INSL6: variants seen among roughly 807,000 people sequenced by gnomAD.
INSL6 encodes the protein insulin like 6, also known as insulin-like peptide INSL6.
Under a neutral mutation model 9.4 loss-of-function variants are expected in INSL6, and 16 were observed. The observed-to-expected ratio is 1.70, with a 90% CI of 1.15 to 2.59. INSL6 has a LOEUF of 2.59. Ranked by LOEUF, INSL6 falls within the 30% of genes most tolerant of loss-of-function variation. INSL6 has a pLI of 0.00. For synonymous variants in INSL6, 154 were observed against 96.9 expected (o/e 1.59, Z -3.46); for missense variants, 391 against 257.3 (o/e 1.52, Z -3.56).
the INSL6 span, chr9:5,041,389 C>T: frequency 4.8e-6 from 3 of 627,688 alleles, no homozygotes; most frequent in African/African-American, 3.6e-5. Flanking sequence ...AGGAGCAGAG[C>T]CACTGCAACA....
chr9:5,161,538 G>C (rs1224644288), downstream of INSL6, among the ~76,000 whole-genome samples: 3 of 152,166 alleles, frequency 2.0e-5, no homozygotes, highest in Middle Eastern at 3.2e-3. Flanking sequence ...TGACAAGGTT[G>C]TCCCCTTTCA....
chr9:5,048,879 G>A, the INSL6 span, among the ~76,000 whole-genome samples: 1 of 152,116 alleles, frequency 6.6e-6, no homozygotes, highest in African/African-American at 2.4e-5. Context: ...GATTCGCATT[G>A]TTATTTTAGG....
At chr9:4,998,135 A>G in the INSL6 span, among the ~76,000 whole-genome samples, 9 of 152,094 alleles carry the variant, frequency 5.9e-5, no homozygotes, top group African/African-American at 2.2e-4. Flanking sequence ...TTCCTGTGCA[A>G]TTTTATTTTT....
At chr9:5,174,830 G>T (rs960463131) in intron 1 of INSL6, among the ~76,000 whole-genome samples, 1 of 151,974 alleles carries the variant, frequency 6.6e-6, no homozygotes, top group African/African-American at 2.4e-5. Context: ...TACTGATACC[G>T]TCTTCCAAAC....
At chr9:5,177,368 G>C (rs1825333931) in intron 1 of INSL6, among the ~76,000 whole-genome samples, 1 of 152,172 alleles carries the variant, frequency 6.6e-6, no homozygotes, top group African/African-American at 2.4e-5. Flanking sequence ...AGAGATCTCT[G>C]AAACCCAGAT....
At chr9:5,009,775 A>T in the INSL6 span, among the ~76,000 whole-genome samples, 8 of 146,292 alleles carry the variant, frequency 5.5e-5, no homozygotes, top group East Asian at 3.9e-4. Flanking sequence ...TTCAGTTAAA[A>T]TTTTTTTTTT....
intron 2 of INSL6, among the ~76,000 whole-genome samples, chr9:5,136,233 C>A (rs1824384761): frequency 6.6e-6 from 1 of 151,716 alleles, no homozygotes; most frequent in Admixed American, 6.6e-5. Context: ...GTATTCCAAA[C>A]AATTGAAAAA....
At chr9:5,111,275 G>A in the INSL6 span, 17 of 488,662 alleles carry the variant, frequency 3.5e-5, no homozygotes, top group Non-Finnish European at 5.9e-5. Context: ...GCCTGACTCA[G>A]GCTGGCTTCC....
chr9:5,082,069 A>C, the INSL6 span, among the ~76,000 whole-genome samples: 1 of 152,208 alleles, frequency 6.6e-6, no homozygotes, highest in African/African-American at 2.4e-5. Flanking sequence ...CCTGTGGGTA[A>C]TTCTCGTCAG....
At chr9:5,166,264 GTCTT>G (rs1825048718) in intron 1 of INSL6, among the ~76,000 whole-genome samples, 2 of 152,024 alleles carry the variant, frequency 1.3e-5, no homozygotes, top group South Asian at 4.2e-4. Context: ...GCTTTACAAA[GTCTT>G]TCTAGGTCCA....
At position 5,164,144 on chromosome 9, in the gene INSL6, G is replaced by GA; in HGVS notation, c.410dup (p.Asn138GlnfsTer6). The GA allele has an allele frequency of 6.2e-7, 1 of 1,607,644 alleles. No individual in the cohort carries two copies. Among genetic ancestry groups the GA allele is most frequent in the Non-Finnish European group, 8.5e-7 (1 of 1,176,818 alleles). On this transcript the variant is annotated frameshift_variant, in exon 2 of 2. Coordinates refer to ENST00000381641, the MANE Select transcript of INSL6 (RefSeq NM_007179.3). LOFTEE classifies it low-confidence loss of function (END_TRUNC). ...TTGCATTCTCATGAATATATACATT[G>GA]ATATTATGTGATGAAGAAAATTCTC...
At chr9:5,107,234 C>G in the INSL6 span, among the ~76,000 whole-genome samples, 2 of 152,090 alleles carry the variant, frequency 1.3e-5, no homozygotes, top group East Asian at 3.9e-4. Context: ...AATAACCTGA[C>G]ACTAGCCTTA....
the INSL6 span, among the ~76,000 whole-genome samples, chr9:5,042,354 G>C: frequency 6.6e-6 from 1 of 150,710 alleles, no homozygotes; most frequent in Admixed American, 6.6e-5. Context: ...AGCCAGGATG[G>C]TCTCGATCTC....
the INSL6 span, among the ~76,000 whole-genome samples, chr9:5,117,673 TAA>T: frequency 6.6e-6 from 1 of 151,430 alleles, no homozygotes; most frequent in African/African-American, 2.4e-5. Context: ...TTAAATAAAT[TAA>T]TAAATATTTT....
Position 5,127,723 on chromosome 9 carries a change from C to T in INSL6, c.*11-3212G>A, listed in dbSNP as rs137882687. The T allele has an allele frequency of 1.2e-4, 29 of 232,380 alleles. No homozygotes were observed. The East Asian group carries it at 1.7e-3, about 14-fold the overall frequency. The allele number at this position is 232,380 out of a possible 1,614,324, so 14.4% of individuals were successfully genotyped here. A position where few individuals can be genotyped will look rare whatever the true frequency, so the allele number is the denominator to read the frequency against. On this transcript the variant is annotated intron_variant, in intron 3 of 3. Transcript: ENST00000649639. Reference sequence around the variant, plus strand: ...TTTATGCTCATGAACTAAATTTAAGCTTAAGCCATAAAATAGATTAGATTG... The same window carrying T: ...TTTATGCTCATGAACTAAATTTAAGTTTAAGCCATAAAATAGATTAGATTG...
At chr9:5,030,031 A>G in the INSL6 span, 2 of 723,120 alleles carry the variant, frequency 2.8e-6, no homozygotes, top group African/African-American at 1.8e-5. Context: ...CACTCATTTA[A>G]GATTTCATTT....
chr9:5,012,553 G>A, the INSL6 span, among the ~76,000 whole-genome samples: 1 of 152,066 alleles, frequency 6.6e-6, no homozygotes, highest in Non-Finnish European at 1.5e-5. Flanking sequence ...ATTAAGGGAG[G>A]CAACCCAGCC....
Position 5,179,853 on chromosome 9 carries a change from T to C in INSL6, c.289+5461A>G, listed in dbSNP as rs959261846. Among the ~76,000 whole-genome samples the C allele has an allele frequency of 2.0e-5, 3 of 152,048 alleles. No individual in the cohort carries two copies. In the East Asian group the frequency reaches 5.8e-4, roughly 29 times the overall value. Reference sequence around the variant, plus strand: ...ACTGGGGCCTGCCTGACAGGGGCCCTGGGGGAAGGGAAAGTATCAGGAGGA... The same window carrying C: ...ACTGGGGCCTGCCTGACAGGGGCCCCGGGGGAAGGGAAAGTATCAGGAGGA... On this transcript the variant is annotated intron_variant, in intron 1 of 1. Coordinates refer to ENST00000381641, the MANE Select transcript of INSL6 (RefSeq NM_007179.3).
chr9:5,167,660 G>A (rs1176355773), intron 1 of INSL6, among the ~76,000 whole-genome samples: 1 of 152,184 alleles, frequency 6.6e-6, no homozygotes, highest in Non-Finnish European at 1.5e-5. Context: ...CGCTATCGTG[G>A]ATCAGCCATT....
Sources: gnomAD v4.1 joint callset for allele counts (sites outside exome capture counted in the v4.1 genomes callset) on GRCh38, gnomAD v4.1.1 for gene constraint, MANE v1.5 for transcripts, NCBI Gene and HGNC (gene_info 2026-07-23, HGNC 2026-07-21) for gene names.